The following CNGB1 variants were observed in gnomAD, a reference collection of about 807,000 sequenced individuals.
The protein encoded by CNGB1 is cyclic nucleotide gated channel subunit beta 1.
A neutral mutation model predicts 151.7 loss-of-function variants in CNGB1; 126 were observed. That is an observed-to-expected ratio of 0.83 (90% confidence interval 0.72 to 0.96). The LOEUF (loss-of-function observed/expected upper bound fraction) is 0.96, where lower values mean the gene tolerates loss of function less well. Among genes scored for constraint, CNGB1 ranks in the 40% least tolerant of loss-of-function variants. CNGB1 has a pLI of 0.00. For synonymous variants in CNGB1, 623 were observed against 635.1 expected (o/e 0.98, Z 0.29); for missense variants, 1,698 against 1,627.0 (o/e 1.04, Z -0.75).
At chr16:57,925,780 C>T (rs1258971051) in intron 17 of CNGB1, among the ~76,000 whole-genome samples, 8 of 152,124 alleles carry the variant, frequency 5.3e-5, no homozygotes, top group Admixed American at 1.3e-4. Flanking sequence ...CTCTGCCTCC[C>T]GGGTTCAAGC....
In CNGB1 at chr16:57,916,160, C is replaced by T. The variant is rs781104590; in HGVS notation, c.2186G>A (p.Arg729Gln). The T allele has an allele frequency of 4.3e-6, 7 of 1,614,010 alleles. No homozygotes were observed. The highest frequency in any genetic ancestry group is 1.6e-4 in the Middle Eastern group (1 of 6,062). ...GDIITDKKDM[R>Q]NNYLKSRRFK... ...GCGGCGAGACTTCAGGTAGTTATTTCGCATGTCCTTTTTGTCCGTCTGAAA... is the reference window on the plus strand; with the variant it reads ...GCGGCGAGACTTCAGGTAGTTATTTTGCATGTCCTTTTTGTCCGTCTGAAA... The change falls in exon 22 of 33, where the codon CGA becomes CAA. Residue 729 changes from arginine to glutamine, a missense_variant. Arg to Gln is a conservative substitution (Grantham distance 43). Coordinates refer to ENST00000251102, the MANE Select transcript of CNGB1 (RefSeq NM_001297.5).
At chr16:57,914,602 C>G (rs1325571180) in intron 23 of CNGB1, among the ~76,000 whole-genome samples, 1 of 152,184 alleles carries the variant, frequency 6.6e-6, no homozygotes, top group East Asian at 1.9e-4. Flanking sequence ...TTTGGGGGAT[C>G]CTGAATGCTC....
At chr16:57,916,049 C>T (rs905831153) in intron 22 of CNGB1, 80 bp downstream of exon 22, 38 of 1,342,082 alleles carry the variant, frequency 2.8e-5, no homozygotes, top group East Asian at 9.2e-5. Flanking sequence ...ATCTCATGAA[C>T]GCCCCAGGCA....
Position 57,892,178 on chromosome 16 carries a change from C to T in CNGB1, c.3243-4104G>A, listed in dbSNP as rs143493303. 5.9e-5 allele frequency among the ~76,000 whole-genome samples: 9 copies of T among 152,030 alleles called. No individual in the cohort carries two copies. The East Asian group carries it at 1.6e-3, about 26-fold the overall frequency. ...ACAGAACAGGGACTTCAGCGGGGAGCGTGCACTTGGGGTGACTCAAGTATT... is the reference window on the plus strand; with the variant it reads ...ACAGAACAGGGACTTCAGCGGGGAGTGTGCACTTGGGGTGACTCAAGTATT... On this transcript the variant is annotated intron_variant, in intron 31 of 32. Transcript: ENST00000251102.
chr16:57,916,163 A>G lies in CNGB1; in HGVS notation c.2183T>C (p.Met728Thr), dbSNP rs745703977. The G allele has an allele frequency of 5.6e-6, 9 of 1,614,032 alleles. No individual in the cohort carries two copies. The highest frequency in any genetic ancestry group is 3.3e-4 in the Middle Eastern group (2 of 6,062). Residue 728 changes from methionine to threonine, a missense_variant, in exon 22 of 33, where the codon ATG becomes ACG. Physicochemically the swap from Met to Thr is moderately conservative, Grantham distance 81. Transcript: ENST00000251102. ...GGDIITDKKD[M>T]RNNYLKSRRF... ...GCGAGACTTCAGGTAGTTATTTCGCATGTCCTTTTTGTCCGTCTGAAAGAA... is the reference window on the plus strand; with the variant it reads ...GCGAGACTTCAGGTAGTTATTTCGCGTGTCCTTTTTGTCCGTCTGAAAGAA...
At chr16:57,921,564 G>A (rs1344329504) in intron 18 of CNGB1, among the ~76,000 whole-genome samples, 2 of 152,016 alleles carry the variant, frequency 1.3e-5, no homozygotes, top group Non-Finnish European at 2.9e-5. Context: ...AGGTGTGGCG[G>A]GGACATGAGC....
chr16:57,936,228 T>G (rs185967464), intron 16 of CNGB1, among the ~76,000 whole-genome samples: 1 of 152,242 alleles, frequency 6.6e-6, no homozygotes, highest in East Asian at 1.9e-4. Flanking sequence ...CCTCTGAGGA[T>G]GACTATCTGC....
At chr16:57,944,291 C>A (rs1360684206) in intron 14 of CNGB1, among the ~76,000 whole-genome samples, 1 of 152,156 alleles carries the variant, frequency 6.6e-6, no homozygotes, top group East Asian at 1.9e-4. Flanking sequence ...CAGAAAGACA[C>A]ATACCATATG....
At chr16:57,945,120 G>A (rs534508957) in intron 14 of CNGB1, among the ~76,000 whole-genome samples, 14 of 152,100 alleles carry the variant, frequency 9.2e-5, no homozygotes, top group African/African-American at 2.9e-4. Context: ...GCCAATCCAC[G>A]GTCATACCGC....
chr16:57,890,908 C>T (rs891406774), intron 31 of CNGB1, among the ~76,000 whole-genome samples: 10 of 152,244 alleles, frequency 6.6e-5, no homozygotes, highest in South Asian at 4.1e-4. Flanking sequence ...CCCATTCCCA[C>T]GCCCCCCCAT....
At chr16:57,916,585 C>T (rs1196362356) in intron 21 of CNGB1, among the ~76,000 whole-genome samples, 1 of 152,212 alleles carries the variant, frequency 6.6e-6, no homozygotes, top group African/African-American at 2.4e-5. Context: ...CGTTTACAGG[C>T]AAAACCTGAG....
At chr16:57,966,949 T>C (rs893003590) in intron 2 of CNGB1, among the ~76,000 whole-genome samples, 179 bp downstream of exon 2, 3 of 152,212 alleles carry the variant, frequency 2.0e-5, no homozygotes, top group Admixed American at 2.0e-4. Context: ...GGGCAAGCCC[T>C]ACCCACTGTC....
intron 2 of CNGB1, among the ~76,000 whole-genome samples, chr16:57,965,779 C>A (rs1962380644): frequency 6.6e-6 from 1 of 152,082 alleles, no homozygotes; most frequent in South Asian, 2.1e-4. Context: ...GCACATGGAA[C>A]CACAGACATA....
At chr16:57,885,602 CTTTCT>C (rs2149350909) in intron 32 of CNGB1, among the ~76,000 whole-genome samples, 1 of 124,886 alleles carries the variant, frequency 8.0e-6, no homozygotes, top group African/African-American at 3.6e-5. Flanking sequence ...TTCTTTCTTT[CTTTCT>C]TTCTTAGACG....
chr16:57,932,380 T>C (rs1309204050), intron 16 of CNGB1, among the ~76,000 whole-genome samples: 1 of 150,566 alleles, frequency 6.6e-6, no homozygotes, highest in Non-Finnish European at 1.5e-5. Flanking sequence ...AAGGCACAAG[T>C]ACTCACATTC....
chr16:57,955,935 C>T (rs1292700521), intron 12 of CNGB1, among the ~76,000 whole-genome samples: 8 of 152,194 alleles, frequency 5.3e-5, no homozygotes, highest in African/African-American at 1.4e-4. Context: ...TGTTCTAAGC[C>T]GCCCAGTGTG....
chr16:57,935,150 C>A (rs1184989560), intron 16 of CNGB1, among the ~76,000 whole-genome samples: 3 of 152,048 alleles, frequency 2.0e-5, no homozygotes, highest in Non-Finnish European at 4.4e-5. Context: ...CAGCCTAATC[C>A]CACTTGTGGC....
At position 57,888,065 on chromosome 16, in the gene CNGB1, C is replaced by T; in HGVS notation, c.3252G>A (p.Leu1084=). 1.2e-6 allele frequency: 2 copies of T among 1,613,898 alleles called. No homozygotes were observed. The highest frequency in any genetic ancestry group is 4.5e-5 in the East Asian group (2 of 44,888). The change falls in exon 32 of 33, where the codon CTG becomes CTA. Residue 1084 remains leucine, a synonymous_variant. Coordinates refer to ENST00000251102, the MANE Select transcript of CNGB1 (RefSeq NM_001297.5). The part of the protein sequence containing the change: ...KLLRKKARRM[L]RSNNKPKEEK... ...CCTCCTTGGGCTTATTGTTGCTTCT[C>T]AGCATGCGCCTGGAAGAAAGCAGCA...
chr16:57,926,907 G>C (rs1225038841), intron 17 of CNGB1, among the ~76,000 whole-genome samples: 1 of 152,068 alleles, frequency 6.6e-6, no homozygotes, highest in Non-Finnish European at 1.5e-5. Flanking sequence ...TTAAATCAGG[G>C]AGGCAGAGGT....
Sources: gnomAD v4.1 joint callset for allele counts (sites outside exome capture counted in the v4.1 genomes callset) on GRCh38, gnomAD v4.1.1 for gene constraint, MANE v1.5 for transcripts, NCBI Gene and HGNC (gene_info 2026-07-23, HGNC 2026-07-21) for gene names.